Variants in MCM5 observed in about 807,000 individuals in gnomAD.
MCM5 encodes DNA replication licensing factor MCM5.
In MCM5, 46 loss-of-function variants were observed where a neutral mutation model predicts 79.9. The ratio of observed to expected loss-of-function variants is 0.58; its 90% confidence interval spans 0.45 to 0.74. The LOEUF (loss-of-function observed/expected upper bound fraction) is 0.74, where lower values mean the gene tolerates loss of function less well. Ranked by LOEUF, MCM5 falls within the 30% of genes least tolerant of loss-of-function variation. MCM5 has a pLI of 0.00. For missense variants in MCM5, 883 were observed against 1,017.0 expected (o/e 0.87, Z 1.79); for synonymous variants, 404 against 390.5 (o/e 1.03, Z -0.41).
chr22:35,442,520 C>T, the MCM5 span, among the ~76,000 whole-genome samples: 3 of 152,172 alleles, frequency 2.0e-5, no homozygotes, highest in South Asian at 2.1e-4. Context: ...TTCCTGGAAG[C>T]TCTGGGGAGA....
At chr22:35,408,688 C>T in intron 6 of MCM5, 125 bp downstream of exon 6, 1 of 973,268 alleles carries the variant, frequency 1.0e-6, no homozygotes, top group Non-Finnish European at 1.5e-6. Context: ...TGGCCAGTTG[C>T]AGAGCACCTG....
At chr22:35,416,962 T>C in intron 12 of MCM5, 148 bp downstream of exon 12, 1 of 828,236 alleles carries the variant, frequency 1.2e-6, no homozygotes, top group Non-Finnish European at 1.9e-6. Context: ...AGAGGGCGGT[T>C]GTTGTGGACT....
At chr22:35,410,496 C>T (rs951768749) in intron 6 of MCM5, 1 of 477,646 alleles carries the variant, frequency 2.1e-6, no homozygotes, top group Non-Finnish European at 3.9e-6. Flanking sequence ...AGTCAGGCCA[C>T]CACCTGCCTT....
At chr22:35,434,590 A>T in the MCM5 span, among the ~76,000 whole-genome samples, 1 of 152,248 alleles carries the variant, frequency 6.6e-6, no homozygotes, top group Admixed American at 6.5e-5. Context: ...GAAAGGGCCT[A>T]TCTCCAGAAG....
In MCM5 at chr22:35,419,936, T is replaced by C; in HGVS notation, c.1756T>C (p.Tyr586His). The change falls in exon 14 of 17, where the codon TAC (tyrosine) becomes CAC (histidine). Residue 586 changes from tyrosine to histidine, a missense_variant. Transcript: ENST00000216122. ...GGCTGCAGAGAAACTGAAGAACCGC[T>C]ACATCATCATGCGGAGCGGGGCCCG... ...AEAAEKLKNR[Y>H]IIMRSGARQH... 3 of 1,613,372 alleles carry C rather than the reference T, an allele frequency of 1.9e-6. No homozygotes were observed. Among genetic ancestry groups the C allele is most frequent in the Non-Finnish European group, 2.5e-6 (3 of 1,179,748 alleles).
At chr22:35,447,806 C>T in the MCM5 span, among the ~76,000 whole-genome samples, 1,681 of 152,256 alleles carry the variant, frequency 0.011, 13 homozygotes, top group South Asian at 0.03. Context: ...CCACAGCCTT[C>T]GGGTTGGGGC....
Position 35,400,491 on chromosome 22 carries a change from A to T in MCM5, c.53A>T (p.Asp18Val), listed in dbSNP as rs753315401. 3.1e-6 allele frequency: 5 copies of T among 1,613,946 alleles called. No homozygotes were observed. Among genetic ancestry groups the T allele is most frequent in the Non-Finnish European group, 3.4e-6 (4 of 1,179,974 alleles). ...TTCTACAGCGACAGCTTCGGGGGCG[A>T]CGCCCAGGCCGACGAGGGGCAGGCC... is the stretch of plus-strand genomic sequence containing the variant. ...GIFYSDSFGG[D>V]AQADEGQARK... The change falls in exon 2 of 17, where the codon GAC becomes GTC. Residue 18 changes from aspartate to valine, a missense_variant. By Grantham distance (152) the Asp-to-Val change is radical (BLOSUM62 -3). Around this residue, in one of 3 missense-constraint regions of MCM5, gnomAD observed 455 missense variants for 517.5 expected, o/e 0.88. Coordinates refer to ENST00000216122, the MANE Select transcript of MCM5 (RefSeq NM_006739.4).
In MCM5 at chr22:35,417,749, G is replaced by C; in HGVS notation, c.1596G>C (p.Leu532=). The change falls in exon 13 of 17, where the codon CTG becomes CTC. Residue 532 remains leucine (L), a synonymous_variant. Transcript: ENST00000216122. ...TTATCCCCTCTGCTCTCCAGATGCTGGCCAAGCATGTCATCACTCTGCACG... is the reference window on the plus strand; with the variant it reads ...TTATCCCCTCTGCTCTCCAGATGCTCGCCAAGCATGTCATCACTCTGCACG... ...DEHNEERDVM[L]AKHVITLHVS... The C allele has an allele frequency of 6.2e-7, 1 of 1,613,002 alleles. No homozygotes were observed. Among genetic ancestry groups the C allele is most frequent in the African/African-American group, 1.3e-5 (1 of 75,044 alleles).
At chr22:35,430,502 C>CTT in the MCM5 span, among the ~76,000 whole-genome samples, 26,636 of 138,560 alleles carry the variant, frequency 0.19, 3,058 homozygotes, top group East Asian at 0.49. Context: ...CCAGTGGGGA[C>CTT]TTTTTTTTTT....
chr22:35,406,703 G>T lies in MCM5; in HGVS notation c.574G>T (p.Ala192Ser), dbSNP rs772409186. Reference sequence around the variant, plus strand: ...CATGCGCCCTGGCCTCGAGGGCTATGCCCTGCCCAGGAAGTGCAACACGTG... The same window carrying T: ...CATGCGCCCTGGCCTCGAGGGCTATTCCCTGCCCAGGAAGTGCAACACGTG... ...IAMRPGLEGY[A>S]LPRKCNTDQA... is the part of the protein sequence containing the mutation. Residue 192 changes from alanine to serine, a missense_variant, in exon 5 of 17, where the codon GCC (alanine) becomes TCC (serine). By Grantham distance (99) the Ala-to-Ser change is moderately conservative. Around this residue, in one of 3 missense-constraint regions of MCM5, gnomAD observed 455 missense variants for 517.5 expected, o/e 0.88. Coordinates refer to ENST00000216122, the MANE Select transcript of MCM5 (RefSeq NM_006739.4). 11 of 1,608,914 alleles carry T rather than the reference G, an allele frequency of 6.8e-6. No homozygotes were observed. The highest frequency in any genetic ancestry group is 9.3e-6 in the Non-Finnish European group (11 of 1,179,990).
chr22:35,440,040 A>G, the MCM5 span, among the ~76,000 whole-genome samples: 1 of 152,244 alleles, frequency 6.6e-6, no homozygotes, highest in Non-Finnish European at 1.5e-5. Flanking sequence ...TAAGTTGCCT[A>G]CTGTCAATTT....
chr22:35,446,707 C>T, the MCM5 span, among the ~76,000 whole-genome samples: 16 of 152,110 alleles, frequency 1.1e-4, no homozygotes, highest in Non-Finnish European at 2.2e-4. Context: ...CAACTCTGCC[C>T]GCAGAATTTT....
At chr22:35,442,268 G>A in the MCM5 span, among the ~76,000 whole-genome samples, 3 of 151,818 alleles carry the variant, frequency 2.0e-5, no homozygotes, top group South Asian at 2.1e-4. Flanking sequence ...GCCTGCTTGC[G>A]TGGTGGGTTC....
chr22:35,446,038 C>T, the MCM5 span, among the ~76,000 whole-genome samples: 1 of 152,168 alleles, frequency 6.6e-6, no homozygotes, highest in East Asian at 1.9e-4. Context: ...GGCATTTGCG[C>T]CCATATTTAC....
the MCM5 span, among the ~76,000 whole-genome samples, chr22:35,438,856 T>TATTCATCC: frequency 9.1e-6 from 1 of 109,492 alleles, no homozygotes; most frequent in Non-Finnish European, 1.8e-5. Context: ...TCCACCCACA[T>TATTCATCC]ATCCATCCAT....
chr22:35,422,484 TG>T (rs757715229), intron 15 of MCM5: 11 of 152,114 alleles, frequency 7.2e-5, no homozygotes, highest in Non-Finnish European at 1.3e-4. Flanking sequence ...ATGGGGTGGG[TG>T]GGGCCTGTTC....
intron 11 of MCM5, 43 bp downstream of exon 11, chr22:35,416,447 C>T (rs370549144): frequency 2.4e-5 from 38 of 1,596,132 alleles, no homozygotes; most frequent in South Asian, 5.5e-5. Context: ...AGCAGCCCAG[C>T]GTGGCCCAAC....
At chr22:35,401,522 T>C in intron 2 of MCM5, 1 of 466,422 alleles carries the variant, frequency 2.1e-6, no homozygotes, top group South Asian at 1.6e-5. Context: ...CCTCTATCCC[T>C]GAAATGTTAA....
At chr22:35,400,676 AGTCCTG>A in intron 2 of MCM5, 71 bp downstream of exon 2, 1 of 1,462,498 alleles carries the variant, frequency 6.8e-7, no homozygotes, top group Non-Finnish European at 9.1e-7. Context: ...AGCCTGCTAG[AGTCCTG>A]GACAGTCAGG....
Sources: allele counts gnomAD v4.1 joint callset (sites outside exome capture counted in the v4.1 genomes callset), GRCh38; gene constraint gnomAD v4.1.1; regional missense constraint gnomAD v4.1.1; transcripts MANE v1.5; gene names NCBI Gene and HGNC (gene_info 2026-07-23, HGNC 2026-07-21).